The following NRXN3 variants were observed in gnomAD, a reference collection of about 807,000 sequenced individuals.
The protein encoded by NRXN3 is neurexin III.
NRXN3 carries 32 observed loss-of-function variants against 137.6 expected under a neutral mutation model. The ratio of observed to expected loss-of-function variants is 0.23; its 90% confidence interval spans 0.18 to 0.31. The LOEUF (loss-of-function observed/expected upper bound fraction) is 0.31. Ranked by LOEUF, NRXN3 falls within the 10% of genes least tolerant of loss-of-function variation. The probability of loss-of-function intolerance (pLI) is 1.00; values close to 1 mark genes in which losing one functional copy is unlikely to be tolerated. For synonymous variants in NRXN3, 798 were observed against 784.5 expected (o/e 1.02, Z -0.29); for missense variants, 1,574 against 2,062.5 (o/e 0.76, Z 4.59).
At chr14:79,294,465 A>G (rs2083703625) in intron 15 of NRXN3, among the ~76,000 whole-genome samples, 1 of 152,192 alleles carries the variant, frequency 6.6e-6, no homozygotes, top group Non-Finnish European at 1.5e-5. Flanking sequence ...AATTCACGGT[A>G]ATTATTTGAT....
intron 19 of NRXN3, among the ~76,000 whole-genome samples, chr14:79,764,926 T>C (rs2099051162): frequency 6.6e-6 from 1 of 152,230 alleles, no homozygotes; most frequent in African/African-American, 2.4e-5. Flanking sequence ...ATCTGAACCA[T>C]TAGACTATTT....
chr14:79,189,685 C>G (rs1250121654), intron 15 of NRXN3, among the ~76,000 whole-genome samples: 1 of 152,134 alleles, frequency 6.6e-6, no homozygotes, highest in African/African-American at 2.4e-5. Flanking sequence ...TAGCAGGGTA[C>G]ATGCAATATA....
At chr14:78,219,163 G>GC (rs2063582994) in intron 1 of NRXN3, among the ~76,000 whole-genome samples, 1 of 151,810 alleles carries the variant, frequency 6.6e-6, no homozygotes, top group Non-Finnish European at 1.5e-5. Context: ...GTGGGAGGGG[G>GC]GATGCAGTTC....
chr14:78,644,135 G>GAAAAAAAAAAAAAA (rs111868453), intron 4 of NRXN3, among the ~76,000 whole-genome samples: 1 of 42,144 alleles, frequency 2.4e-5, no homozygotes, highest in Admixed American at 2.6e-4. Context: ...GCAAGACTCA[G>GAAAAAAAAAAAAAA]AAAAAAAAAA....
At chr14:79,238,678 G>T (rs1178503430) in intron 15 of NRXN3, among the ~76,000 whole-genome samples, 2 of 152,048 alleles carry the variant, frequency 1.3e-5, no homozygotes, top group Non-Finnish European at 2.9e-5. Context: ...ATTAGGTCAA[G>T]AATCTGCATT....
chr14:79,325,857 G>A (rs2090774764), intron 15 of NRXN3, among the ~76,000 whole-genome samples: 1 of 152,104 alleles, frequency 6.6e-6, no homozygotes, highest in Admixed American at 6.5e-5. Context: ...TTAGAAGACA[G>A]GGCCATCGTG....
intron 10 of NRXN3, among the ~76,000 whole-genome samples, chr14:78,842,330 C>T (rs1055517574): frequency 1.4e-4 from 21 of 151,796 alleles, no homozygotes; most frequent in Non-Finnish European, 2.1e-4. Flanking sequence ...GCTGGGTGTC[C>T]GGGGGAGACA....
At chr14:78,725,534 A>T (rs988205137) in intron 8 of NRXN3, among the ~76,000 whole-genome samples, 3 of 152,242 alleles carry the variant, frequency 2.0e-5, no homozygotes, top group African/African-American at 7.2e-5. Context: ...TTCACAAGCA[A>T]CCTAGCATCT....
intron 1 of NRXN3, among the ~76,000 whole-genome samples, chr14:78,176,133 A>G (rs549799397): frequency 6.6e-6 from 1 of 152,240 alleles, no homozygotes; most frequent in African/African-American, 2.4e-5. Flanking sequence ...GGAAGGGTGG[A>G]CTTTGCCTCT....
At chr14:78,330,695 C>T (rs567148008) in intron 4 of NRXN3, among the ~76,000 whole-genome samples, 2 of 152,096 alleles carry the variant, frequency 1.3e-5, no homozygotes, top group African/African-American at 4.8e-5. Context: ...CCAGTCTTTT[C>T]CACTTTGTAG....
At chr14:78,413,604 G>A (rs1036368206) in intron 4 of NRXN3, among the ~76,000 whole-genome samples, 2 of 152,164 alleles carry the variant, frequency 1.3e-5, no homozygotes, top group Non-Finnish European at 2.9e-5. Flanking sequence ...TTATACTCCT[G>A]CATCAGGTGG....
intron 15 of NRXN3, among the ~76,000 whole-genome samples, chr14:79,385,816 A>C (rs2094598310): frequency 6.6e-6 from 1 of 152,222 alleles, no homozygotes; most frequent in East Asian, 1.9e-4. Flanking sequence ...CGAATCAATA[A>C]ATGTAACCCA....
At chr14:79,099,454 A>G (rs1376812221) in intron 15 of NRXN3, among the ~76,000 whole-genome samples, 2 of 152,150 alleles carry the variant, frequency 1.3e-5, no homozygotes, top group Non-Finnish European at 2.9e-5. Flanking sequence ...TACCAAGTCA[A>G]CAGGTATAAA....
intron 10 of NRXN3, among the ~76,000 whole-genome samples, chr14:78,884,465 C>A (rs1193927267): frequency 1.3e-5 from 2 of 152,128 alleles, no homozygotes; most frequent in African/African-American, 4.8e-5. Flanking sequence ...GGCAAACTCA[C>A]TGACATTTCC....
intron 20 of NRXN3, among the ~76,000 whole-genome samples, chr14:79,851,952 G>GT (rs1409384149): frequency 2.0e-5 from 3 of 150,628 alleles, no homozygotes; most frequent in Non-Finnish European, 4.4e-5. Context: ...ACTCTTTGGA[G>GT]TGGAGAGGGG....
At chr14:78,831,439 G>T (rs150591) in intron 10 of NRXN3, among the ~76,000 whole-genome samples, 5 of 150,388 alleles carry the variant, frequency 3.3e-5, no homozygotes, top group Non-Finnish European at 5.9e-5. Flanking sequence ...GGGATACTGA[G>T]GCAGAGAATT....
intron 8 of NRXN3, among the ~76,000 whole-genome samples, chr14:78,763,008 T>C (rs1448954878): frequency 2.6e-5 from 4 of 152,094 alleles, no homozygotes; most frequent in African/African-American, 9.7e-5. Context: ...TGTAGGAAAA[T>C]TGGAGTGAAA....
intron 20 of NRXN3, among the ~76,000 whole-genome samples, chr14:79,810,465 A>G (rs1025855097): frequency 2.6e-5 from 4 of 152,190 alleles, no homozygotes; most frequent in African/African-American, 9.7e-5. Flanking sequence ...TGGGAAGGAG[A>G]TGTTTAAACT....
chr14:78,260,351 G>A (rs1441035448), intron 2 of NRXN3, among the ~76,000 whole-genome samples: 1 of 152,212 alleles, frequency 6.6e-6, no homozygotes, highest in African/African-American at 2.4e-5. Flanking sequence ...TGGACTCACT[G>A]TTCTTGGACT....
Sources: gnomAD v4.1 joint callset for allele counts (sites outside exome capture counted in the v4.1 genomes callset) on GRCh38, gnomAD v4.1.1 for gene constraint, MANE v1.5 for transcripts, NCBI Gene and HGNC (gene_info 2026-07-23, HGNC 2026-07-21) for gene names.